RNGTT: variants seen among roughly 807,000 people sequenced by gnomAD.
The protein encoded by RNGTT is RNA guanylyltransferase and 5'-phosphatase.
Under a neutral mutation model 79.3 loss-of-function variants are expected in RNGTT, and 33 were observed. The observed-to-expected ratio is 0.42, with a 90% CI of 0.32 to 0.56. RNGTT has a LOEUF of 0.56. Ranked by LOEUF, RNGTT falls within the 20% of genes least tolerant of loss-of-function variation. RNGTT has a pLI of 0.17. For synonymous variants in RNGTT, 222 were observed against 235.9 expected (o/e 0.94, Z 0.54); for missense variants, 497 against 739.1 (o/e 0.67, Z 3.80).
chr6:88,892,474 G>A (rs962765808), intron 6 of RNGTT, among the ~76,000 whole-genome samples: 3 of 152,064 alleles, frequency 2.0e-5, no homozygotes, highest in Non-Finnish European at 4.4e-5. Flanking sequence ...AGGCAAAGTG[G>A]CTAAGCCACA....
chr6:88,700,515 T>C (rs1193975049), intron 13 of RNGTT, among the ~76,000 whole-genome samples: 1 of 152,136 alleles, frequency 6.6e-6, no homozygotes, highest in Non-Finnish European at 1.5e-5. Context: ...CTTATTTTCT[T>C]CCATTATGCC....
intron 11 of RNGTT, among the ~76,000 whole-genome samples, chr6:88,809,977 G>C (rs773177337): frequency 1.6e-4 from 24 of 152,076 alleles, no homozygotes; most frequent in Non-Finnish European, 3.2e-4. Flanking sequence ...GAGCCCCAGA[G>C]GTTGCAGCTG....
chr6:88,780,228 TTAC>T (rs1779019342), intron 12 of RNGTT, among the ~76,000 whole-genome samples: 2 of 152,128 alleles, frequency 1.3e-5, no homozygotes, highest in Admixed American at 1.3e-4. Context: ...ATTTCAAAAC[TTAC>T]TACAAAAATA....
chr6:88,651,324 C>A (rs1417335237), intron 14 of RNGTT, among the ~76,000 whole-genome samples: 1 of 152,038 alleles, frequency 6.6e-6, no homozygotes, highest in African/African-American at 2.4e-5. Context: ...AAATAGTATA[C>A]AGAAAAATAA....
intron 13 of RNGTT, among the ~76,000 whole-genome samples, chr6:88,709,080 C>T (rs961187014): frequency 2.0e-5 from 3 of 151,918 alleles, no homozygotes; most frequent in African/African-American, 4.8e-5. Context: ...GAGGCTGAGG[C>T]GGAGGGATCA....
chr6:88,725,898 T>G (rs1394377441), intron 13 of RNGTT, among the ~76,000 whole-genome samples: 1 of 148,500 alleles, frequency 6.7e-6, no homozygotes, highest in Non-Finnish European at 1.5e-5. Flanking sequence ...AAAGAGAAAC[T>G]GGGAGAGGAA....
intron 13 of RNGTT, among the ~76,000 whole-genome samples, chr6:88,740,054 C>T (rs1332854454): frequency 2.0e-5 from 3 of 151,742 alleles, no homozygotes; most frequent in African/African-American, 7.3e-5. Context: ...ACAAATTTTT[C>T]CTAAAATCAC....
intron 14 of RNGTT, 127 bp from the exon 15 acceptor site, chr6:88,614,522 T>A (rs561747230): frequency 1.2e-6 from 1 of 822,336 alleles, no homozygotes; most frequent in East Asian, 2.6e-5. Flanking sequence ...GAGCTCTTTG[T>A]CATCTGAAGT....
intron 13 of RNGTT, among the ~76,000 whole-genome samples, chr6:88,715,371 G>A (rs1393544781): frequency 5.3e-5 from 8 of 152,018 alleles, no homozygotes; most frequent in Non-Finnish European, 8.8e-5. Flanking sequence ...AATCAATATC[G>A]TGAAAATGGC....
chr6:88,697,431 G>C (rs1301486172), intron 13 of RNGTT, among the ~76,000 whole-genome samples: 3 of 151,994 alleles, frequency 2.0e-5, no homozygotes, highest in Non-Finnish European at 4.4e-5. Flanking sequence ...GGCACCTATA[G>C]TCCCAGCTGC....
chr6:88,806,310 G>C (rs1458058654), intron 11 of RNGTT, among the ~76,000 whole-genome samples: 2 of 150,494 alleles, frequency 1.3e-5, no homozygotes, highest in African/African-American at 4.9e-5. Flanking sequence ...TCGAGAAAAA[G>C]GAACACGCTT....
At chr6:88,839,695 T>G (rs1781202214) in intron 11 of RNGTT, among the ~76,000 whole-genome samples, 1 of 152,190 alleles carries the variant, frequency 6.6e-6, no homozygotes, top group South Asian at 2.1e-4. Context: ...ACTGAGAAGG[T>G]GATAAATGGA....
chr6:88,879,903 T>C lies in RNGTT; in HGVS notation c.896+10592A>G, dbSNP rs553833514. ...ACCTGCTAATTTGTAAATAAAATTT[T>C]ATTGAAATACACCCACCAAATGTTA... On this transcript the variant is annotated intron_variant, in intron 8 of 15. Coordinates refer to ENST00000369485, the MANE Select transcript of RNGTT (RefSeq NM_003800.5). Among the ~76,000 whole-genome samples the C allele has an allele frequency of 9.2e-5, 14 of 152,276 alleles. 1 individual carries two copies. In the South Asian group the frequency reaches 2.7e-3, roughly 29 times the overall value.
intron 6 of RNGTT, among the ~76,000 whole-genome samples, chr6:88,893,160 T>G (rs1002721110): frequency 2.6e-5 from 4 of 152,082 alleles, no homozygotes; most frequent in Non-Finnish European, 4.4e-5. Flanking sequence ...CTCAACCAGA[T>G]AGATGAGGTT....
chr6:88,739,728 T>C lies in RNGTT; in HGVS notation c.1439+30046A>G, dbSNP rs60785318. 1.5e-3 allele frequency among the ~76,000 whole-genome samples: 12 copies of C among 8,230 alleles called. 1 individual carries two copies. Among genetic ancestry groups the C allele is most frequent in the African/African-American group, 5.2e-3 (12 of 2,296 alleles). The allele number at this position is 8,230 out of a possible 152,430, so 5.4% of individuals were successfully genotyped here. On this transcript the variant is annotated intron_variant, in intron 13 of 15. Transcript: ENST00000369485. ...CGTGTAACTGGTGTGAAAAAAATTA[T>C]ATATATATATATATATATATATATA...
chr6:88,951,575 C>G (rs186521352), intron 1 of RNGTT, among the ~76,000 whole-genome samples: 1 of 152,068 alleles, frequency 6.6e-6, no homozygotes, highest in Non-Finnish European at 1.5e-5. Context: ...ACGAGACAGG[C>G]GAAAAACCAT....
intron 4 of RNGTT, among the ~76,000 whole-genome samples, chr6:88,925,993 T>C (rs1784307430): frequency 6.6e-6 from 1 of 152,216 alleles, no homozygotes; most frequent in Admixed American, 6.5e-5. Context: ...GTGGTTCTGA[T>C]ACAGGCAGTC....
At chr6:88,655,717 A>G (rs1201014522) in intron 14 of RNGTT, among the ~76,000 whole-genome samples, 2 of 152,202 alleles carry the variant, frequency 1.3e-5, no homozygotes, top group Admixed American at 1.3e-4. Context: ...CTGCAGTGTC[A>G]AAGTGGAAAC....
intron 13 of RNGTT, among the ~76,000 whole-genome samples, chr6:88,720,483 T>C (rs1306397990): frequency 6.6e-6 from 1 of 152,108 alleles, no homozygotes; most frequent in African/African-American, 2.4e-5. Flanking sequence ...CTCCTGAGTC[T>C]AGTGTTCTCA....
Sources: gnomAD v4.1 joint callset for allele counts (sites outside exome capture counted in the v4.1 genomes callset) on GRCh38, gnomAD v4.1.1 for gene constraint, MANE v1.5 for transcripts, NCBI Gene and HGNC (gene_info 2026-07-23, HGNC 2026-07-21) for gene names.